MYH3: variants seen among roughly 807,000 people sequenced by gnomAD.
The protein encoded by MYH3 is myosin-3.
MYH3 carries 130 observed loss-of-function variants against 238.0 expected under a neutral mutation model. The ratio of observed to expected loss-of-function variants is 0.55; its 90% CI spans 0.47 to 0.63. The LOEUF is 0.63. Among genes scored for constraint, MYH3 ranks in the 30% least tolerant of loss-of-function variants. The pLI is 0.00. For synonymous variants in MYH3, 880 were observed against 924.1 expected (o/e 0.95, Z 0.86); for missense variants, 1,853 against 2,374.9 (o/e 0.78, Z 4.57).
chr17:10,639,376 C>A lies in MYH3; in HGVS notation c.3024G>T (p.Leu1008Phe). The change falls in exon 24 of 41, where the codon TTG (leucine) becomes TTT (phenylalanine). Residue 1008 changes from leucine to phenylalanine, a missense_variant. Physicochemically the swap from Leu to Phe is conservative, Grantham distance 22. This residue lies in a region of MYH3 where 1,044 missense variants were observed against 1,192.6 expected (regional missense o/e 0.88). Coordinates refer to ENST00000583535, the MANE Select transcript of MYH3 (RefSeq NM_002470.4). ...TGTCTTCTTCAGCTTGGAGGTCATC[C>A]AAGGCCTGCTGGTGCGCCTCTTGGA... ...KALQEAHQQA[L>F]DDLQAEEDKV... 6.2e-7 allele frequency: 1 copy of A among 1,614,168 alleles called. No individual in the cohort carries two copies. Among genetic ancestry groups the A allele is most frequent in the African/African-American group, 1.3e-5 (1 of 75,058 alleles).
In MYH3 at chr17:10,641,123, C is replaced by T. The variant is rs770389277; in HGVS notation, c.2127G>A (p.Gly709=). The T allele has an allele frequency of 1.2e-6, 2 of 1,613,394 alleles. No individual in the cohort carries two copies. Among genetic ancestry groups the T allele is most frequent in the South Asian group, 2.2e-5 (2 of 91,054 alleles). The change falls in exon 19 of 41, where the codon GGG becomes GGA. Residue 709 remains glycine (G), a synonymous_variant. Coordinates refer to ENST00000583535, the MANE Select transcript of MYH3 (RefSeq NM_002470.4). ...CGCCATAGAGAATCCTGTTTGGGAA[C>T]CCTTTCCTGCAGATGCGGATGCCCT... The part of the protein sequence containing the change: ...VLEGIRICRK[G]FPNRILYGDF...
In MYH3 at chr17:10,654,534, G is replaced by A. The variant is rs192416858; in HGVS notation, c.204+327C>T. The stretch of plus-strand genomic sequence containing the variant: ...TACCAAAGGAGAGTGTTCTGAAACA[G>A]CGCTCATTCATGTTGAACTCCCAAC... On this transcript the variant is annotated intron_variant, in intron 3 of 40. Transcript: ENST00000583535. This position sits in a 1 kb window ranked among gnomAD's most constrained non-coding sequence, Gnocchi z 4.5. 1.3e-5 allele frequency among the ~76,000 whole-genome samples: 2 copies of A among 152,354 alleles called. No homozygotes were observed. Among genetic ancestry groups the A allele is most frequent in the East Asian group, 3.9e-4 (2 of 5,190 alleles).
Position 10,632,032 on chromosome 17 carries a change from C to T in MYH3, c.4957-16G>A. Reference sequence around the variant, plus strand: ...GCTGCGTATCCTAGCCAGAGAAAAACGAACATTCTATTTGAAGTTGAGGCG... The same window carrying T: ...GCTGCGTATCCTAGCCAGAGAAAAATGAACATTCTATTTGAAGTTGAGGCG... On this transcript the variant is annotated splice_polypyrimidine_tract_variant and intron_variant, in intron 34 of 40. Coordinates refer to ENST00000583535, the MANE Select transcript of MYH3 (RefSeq NM_002470.4). The T allele has an allele frequency of 1.2e-6, 2 of 1,611,840 alleles. No individual in the cohort carries two copies. Among genetic ancestry groups the T allele is most frequent in the Non-Finnish European group, 1.7e-6 (2 of 1,179,832 alleles).
intron 31 of MYH3, 51 bp downstream of exon 31, chr17:10,634,789 T>C: frequency 6.2e-7 from 1 of 1,609,392 alleles, no homozygotes; most frequent in Non-Finnish European, 8.5e-7. Flanking sequence ...CCACGGCTGC[T>C]AGGAATCCCT....
chr17:10,639,779 A>G lies in MYH3; in HGVS notation c.2706T>C (p.Ala902=), dbSNP rs1243523636. ...VQAESENLLD[A]EERCDQLIKA... is the part of the protein sequence containing the mutation. ...TGATCAGCTGATCGCATCTTTCCTC[A>G]GCATCCAACAAATTTTCGCTTTCCT... The change falls in exon 23 of 41, where the codon GCT becomes GCC. Residue 902 remains alanine (A), a synonymous_variant. Transcript: ENST00000583535. The G allele has an allele frequency of 6.2e-7, 1 of 1,613,816 alleles. No individual in the cohort carries two copies. Among genetic ancestry groups the G allele is most frequent in the African/African-American group, 1.3e-5 (1 of 74,808 alleles).
chr17:10,639,776 C>T lies in MYH3; in HGVS notation c.2709G>A (p.Glu903=). The T allele has an allele frequency of 6.2e-7, 1 of 1,613,864 alleles. No individual in the cohort carries two copies. Among genetic ancestry groups the T allele is most frequent in the Non-Finnish European group, 8.5e-7 (1 of 1,179,988 alleles). The part of the protein sequence containing the change: ...QAESENLLDA[E]ERCDQLIKAK... The stretch of plus-strand genomic sequence containing the variant: ...CTTTGATCAGCTGATCGCATCTTTC[C>T]TCAGCATCCAACAAATTTTCGCTTT... The change falls in exon 23 of 41, where the codon GAG becomes GAA. Residue 903 remains glutamate, a synonymous_variant. Transcript: ENST00000583535.
At chr17:10,635,127 A>T in intron 30 of MYH3, 104 bp from the exon 31 acceptor site, 1 of 1,383,198 alleles carries the variant, frequency 7.2e-7, no homozygotes, top group Non-Finnish European at 1.0e-6. Flanking sequence ...TCAGACACCC[A>T]TGTGTTTTTA....
At chr17:10,671,767 G>T in the MYH3 span, among the ~76,000 whole-genome samples, 3 of 151,934 alleles carry the variant, frequency 2.0e-5, no homozygotes, top group African/African-American at 7.2e-5. Flanking sequence ...TTTTAGTAGA[G>T]ACAGGGTTTC....
chr17:10,666,532 AG>A, the MYH3 span, among the ~76,000 whole-genome samples: 415 of 145,784 alleles, frequency 2.8e-3, 1 homozygote, highest in African/African-American at 9.8e-3. Flanking sequence ...GCTTGAGCCC[AG>A]GAGTTCTGGA....
the MYH3 span, among the ~76,000 whole-genome samples, chr17:10,669,969 T>C: frequency 6.6e-6 from 1 of 152,202 alleles, no homozygotes; most frequent in African/African-American, 2.4e-5. Context: ...CTTCTGATTC[T>C]GTGATTTAAG....
the MYH3 span, among the ~76,000 whole-genome samples, chr17:10,667,462 A>C: frequency 6.6e-6 from 1 of 152,158 alleles, no homozygotes; most frequent in African/African-American, 2.4e-5. Context: ...CAGATGGATC[A>C]CTTGAGGATA....
At chr17:10,633,292 A>G (rs994077916) in intron 33 of MYH3, among the ~76,000 whole-genome samples, 1 of 152,240 alleles carries the variant, frequency 6.6e-6, no homozygotes, top group Non-Finnish European at 1.5e-5. Flanking sequence ...AACCAATAAT[A>G]ATGTTTAAAT....
At chr17:10,629,519 A>G (rs2074130256) in intron 40 of MYH3, 78 bp downstream of exon 40, 1 of 1,583,418 alleles carries the variant, frequency 6.3e-7, no homozygotes. Context: ...TCTAAAGTAA[A>G]GGGTTCTCTG....
the MYH3 span, among the ~76,000 whole-genome samples, chr17:10,664,304 C>T: frequency 0.21 from 31,678 of 151,808 alleles, 3,518 homozygotes; most frequent in Non-Finnish European, 0.25. Context: ...TGATTAGCTA[C>T]GAATCCCAGA....
chr17:10,634,749 G>T, intron 31 of MYH3, 91 bp downstream of exon 31: 1 of 1,509,762 alleles, frequency 6.6e-7, no homozygotes. Flanking sequence ...GGTGAGGGCA[G>T]AGTCAGGTCC....
At position 10,634,075 on chromosome 17, in the gene MYH3, G is replaced by C; in HGVS notation, c.4464C>G (p.Ala1488=). The part of the protein sequence containing the change: ...LSTELFKLKN[A]YEEALDQLET... ...CAAGTTGATCTAAGGCTTCCTCGTA[G>C]GCATTTTTCAGTTTGAAGAGCTCAG... Residue 1488 remains alanine (A), a synonymous_variant, in exon 32 of 41, where the codon GCC becomes GCG. Coordinates refer to ENST00000583535, the MANE Select transcript of MYH3 (RefSeq NM_002470.4). 1 of 1,614,170 alleles carries C rather than the reference G, an allele frequency of 6.2e-7. No homozygotes were observed. The highest frequency in any genetic ancestry group is 8.5e-7 in the Non-Finnish European group (1 of 1,180,026).
intron 32 of MYH3, 123 bp from the exon 33 acceptor site, chr17:10,633,838 G>C: frequency 6.6e-7 from 1 of 1,507,072 alleles, no homozygotes; most frequent in African/African-American, 1.4e-5. Flanking sequence ...GCTTCCTAGA[G>C]ATAAGATATT....
Position 10,634,938 on chromosome 17 carries a change from G to A in MYH3, c.4258C>T (p.Gln1420Ter). 1 of 1,614,108 alleles carries A rather than the reference G, an allele frequency of 6.2e-7. No homozygotes were observed. Among genetic ancestry groups the A allele is most frequent in the Non-Finnish European group, 8.5e-7 (1 of 1,180,014 alleles). ...AKCASLEKTK[Q>*]RLQGEVEDLM... is the part of the protein sequence containing the mutation. ...TCCTCCACCTCTCCTTGCAGCCTCT[G>A]CTTGGTCTTCTCCAGTGAAGCACAT... Residue 1420 changes from glutamine to a stop codon, truncating the protein, a stop_gained, in exon 31 of 41, where the codon CAG (glutamine) becomes TAG (stop). Coordinates refer to ENST00000583535, the MANE Select transcript of MYH3 (RefSeq NM_002470.4). LOFTEE classifies it high-confidence loss of function.
chr17:10,666,016 T>C, the MYH3 span, among the ~76,000 whole-genome samples: 1 of 152,142 alleles, frequency 6.6e-6, no homozygotes, highest in African/African-American at 2.4e-5. Flanking sequence ...ATGGACTCTT[T>C]AATAAGTGGT....
Sources: allele counts gnomAD v4.1 joint callset (sites outside exome capture counted in the v4.1 genomes callset), GRCh38; gene constraint gnomAD v4.1.1; regional missense constraint gnomAD v4.1.1; non-coding constraint Gnocchi (gnomAD v3.1); transcripts MANE v1.5; gene names NCBI Gene and HGNC (gene_info 2026-07-23, HGNC 2026-07-21).